The following MARCHF4 variants were observed in gnomAD, a reference collection of about 807,000 sequenced individuals.
The protein encoded by MARCHF4 is membrane associated ring-CH-type finger 4, also known as E3 ubiquitin-protein ligase MARCHF4.
In MARCHF4, 14 loss-of-function variants were observed where a neutral mutation model predicts 43.9. The ratio of observed to expected loss-of-function variants is 0.32; its 90% CI spans 0.21 to 0.50. The LOEUF (loss-of-function observed/expected upper bound fraction) is 0.50. Ranked by LOEUF, MARCHF4 falls within the 20% of genes least tolerant of loss-of-function variation. MARCHF4 has a pLI of 0.98. For synonymous variants in MARCHF4, 226 were observed against 213.3 expected (o/e 1.06, Z -0.52); for missense variants, 468 against 536.7 (o/e 0.87, Z 1.27).
chr2:216,289,466 T>G (rs1691273966), intron 1 of MARCHF4, among the ~76,000 whole-genome samples: 1 of 152,210 alleles, frequency 6.6e-6, no homozygotes, highest in Non-Finnish European at 1.5e-5. Flanking sequence ...CTGTCCCAAC[T>G]AGAAACTTGT....
chr2:216,320,414 T>C (rs1691860739), intron 1 of MARCHF4, among the ~76,000 whole-genome samples: 1 of 152,178 alleles, frequency 6.6e-6, no homozygotes, highest in Non-Finnish European at 1.5e-5. Context: ...GGGGAAGATA[T>C]TATTATCCCC....
At chr2:216,345,590 G>T (rs1433049833) in intron 1 of MARCHF4, among the ~76,000 whole-genome samples, 1 of 152,122 alleles carries the variant, frequency 6.6e-6, no homozygotes, top group Non-Finnish European at 1.5e-5. Context: ...CCCACCCCTA[G>T]GGATTGACTT....
chr2:216,360,559 C>A (rs1223916742), intron 1 of MARCHF4, among the ~76,000 whole-genome samples: 1 of 151,564 alleles, frequency 6.6e-6, no homozygotes, highest in Non-Finnish European at 1.5e-5. Flanking sequence ...TATCTGACAT[C>A]CTGGAAAAGG....
chr2:216,277,666 A>G lies in MARCHF4; in HGVS notation c.865+6T>C. On this transcript the variant is annotated splice_donor_region_variant and intron_variant, in intron 3 of 3. Transcript: ENST00000273067. ...ACTTCCCATGGAGACAAACCCCCAG[A>G]CCCACCTATGCACACCACGTCCATG... The G allele has an allele frequency of 6.3e-7, 1 of 1,593,874 alleles. No homozygotes were observed. Among genetic ancestry groups the G allele is most frequent in the Non-Finnish European group, 8.6e-7 (1 of 1,164,402 alleles).
intron 1 of MARCHF4, among the ~76,000 whole-genome samples, chr2:216,311,449 G>T (rs1333761450): frequency 6.6e-6 from 1 of 152,052 alleles, no homozygotes; most frequent in Non-Finnish European, 1.5e-5. Flanking sequence ...GTAGAGATGG[G>T]GTTTCACCAT....
chr2:216,305,717 A>G (rs1385814454), intron 1 of MARCHF4, among the ~76,000 whole-genome samples: 1 of 152,158 alleles, frequency 6.6e-6, no homozygotes, highest in Non-Finnish European at 1.5e-5. Context: ...GCCTTCCACT[A>G]ATCAGACTGG....
Position 216,259,192 on chromosome 2 carries a change from C to T in MARCHF4, c.*120G>A. 1.4e-6 allele frequency: 2 copies of T among 1,445,308 alleles called. No individual in the cohort carries two copies. The highest frequency in any genetic ancestry group is 1.8e-6 in the Non-Finnish European group (2 of 1,091,360). The allele number at this position is 1,445,308 out of a possible 1,614,324, so 89.5% of individuals were successfully genotyped here. A position where few individuals can be genotyped will look rare whatever the true frequency, so the allele number is the denominator to read the frequency against. On this transcript the variant is annotated 3_prime_UTR_variant, in exon 4 of 4. Coordinates refer to ENST00000273067, the MANE Select transcript of MARCHF4 (RefSeq NM_020814.3). ...CCCGCTCTGACACTACCCCAGGGCT[C>T]CCGCCAGGTCCCCCACCCTCTGCCT...
intron 2 of MARCHF4, among the ~76,000 whole-genome samples, chr2:216,278,223 T>C (rs944729169): frequency 6.6e-6 from 1 of 150,450 alleles, no homozygotes; most frequent in East Asian, 1.9e-4. Flanking sequence ...GATTCTTTTA[T>C]TTATTTATTT....
At chr2:216,321,276 G>T (rs1412224077) in intron 1 of MARCHF4, among the ~76,000 whole-genome samples, 2 of 152,136 alleles carry the variant, frequency 1.3e-5, no homozygotes, top group African/African-American at 4.8e-5. Context: ...GGAATGCAAT[G>T]GTAAATACAA....
chr2:216,283,655 G>A lies in MARCHF4; in HGVS notation c.591C>T (p.Ile197=). The change falls in exon 2 of 4, where the codon ATC becomes ATT. Residue 197 remains isoleucine (I), a synonymous_variant. Coordinates refer to ENST00000273067, the MANE Select transcript of MARCHF4 (RefSeq NM_020814.3). ...CGCAGCTCCAGCAGCCCCGCTCGCT[G>A]ATCCACTTGATGAGGCAAGGCTGGT... ...CTHQPCLIKW[I]SERGCWSCEL... 5.0e-6 allele frequency: 8 copies of A among 1,613,856 alleles called. No homozygotes were observed. The highest frequency in any genetic ancestry group is 6.8e-6 in the Non-Finnish European group (8 of 1,179,736).
chr2:216,312,884 T>C (rs980012860), intron 1 of MARCHF4, among the ~76,000 whole-genome samples: 1 of 147,088 alleles, frequency 6.8e-6, no homozygotes, highest in African/African-American at 2.5e-5. Context: ...TTTTTTGGTT[T>C]AACTAAGTCC....
chr2:216,334,332 T>C (rs111449260), intron 1 of MARCHF4, among the ~76,000 whole-genome samples: 2,863 of 152,286 alleles, frequency 0.019, 84 homozygotes, highest in African/African-American at 0.066. Flanking sequence ...TCACAGGGAA[T>C]TGAGTTCTGC....
chr2:216,305,199 C>T (rs1387247992), intron 1 of MARCHF4, among the ~76,000 whole-genome samples: 3 of 152,116 alleles, frequency 2.0e-5, no homozygotes, highest in Non-Finnish European at 4.4e-5. Flanking sequence ...GGCAAAGAGG[C>T]ATTATTAAAA....
chr2:216,309,769 C>T (rs1691653471), intron 1 of MARCHF4, among the ~76,000 whole-genome samples: 1 of 152,212 alleles, frequency 6.6e-6, no homozygotes, highest in African/African-American at 2.4e-5. Flanking sequence ...AGAGAGGCCT[C>T]AGCTGTAACC....
At chr2:216,346,437 C>T (rs1692321574) in intron 1 of MARCHF4, among the ~76,000 whole-genome samples, 1 of 152,162 alleles carries the variant, frequency 6.6e-6, no homozygotes, top group African/African-American at 2.4e-5. Flanking sequence ...GTGTGCCAGC[C>T]TCTGCAAAAT....
At chr2:216,331,893 C>T (rs569230328) in intron 1 of MARCHF4, among the ~76,000 whole-genome samples, 24 of 152,128 alleles carry the variant, frequency 1.6e-4, no homozygotes, top group African/African-American at 5.3e-4. Flanking sequence ...AAAATTTTCC[C>T]ATGAAATCAG....
At chr2:216,318,034 A>C (rs1691810653) in intron 1 of MARCHF4, 1 of 152,250 alleles carries the variant, frequency 6.6e-6, no homozygotes, top group Non-Finnish European at 1.5e-5. Context: ...CAAGCTGTGG[A>C]AATGAAAGCA....
intron 1 of MARCHF4, among the ~76,000 whole-genome samples, chr2:216,336,806 T>G: frequency 7.4e-6 from 1 of 134,314 alleles, no homozygotes; most frequent in East Asian, 2.5e-4. Context: ...TGTTAGAAAC[T>G]GTAAAAATGT....
At chr2:216,299,094 G>A (rs1353324546) in intron 1 of MARCHF4, among the ~76,000 whole-genome samples, 1 of 151,840 alleles carries the variant, frequency 6.6e-6, no homozygotes, top group Admixed American at 6.6e-5. Flanking sequence ...AGGCTCAGAA[G>A]ACATAGACAG....
Sources: gnomAD v4.1 joint callset for allele counts (sites outside exome capture counted in the v4.1 genomes callset) on GRCh38, gnomAD v4.1.1 for gene constraint, MANE v1.5 for transcripts, NCBI Gene and HGNC (gene_info 2026-07-23, HGNC 2026-07-21) for gene names.